ITPR1: variants seen among roughly 807,000 people sequenced by gnomAD.
ITPR1 encodes inositol 1,4,5-trisphosphate receptor type 1.
ITPR1 carries 96 observed loss-of-function variants against 318.4 expected under a neutral mutation model. That is an observed-to-expected ratio of 0.30 (90% CI 0.26 to 0.36). The LOEUF is 0.36. Among genes scored for constraint, ITPR1 ranks in the 10% least tolerant of loss-of-function variants. The probability of loss-of-function intolerance (pLI) is 1.00; values close to 1 mark genes in which losing one functional copy is unlikely to be tolerated. For synonymous variants in ITPR1, 1,312 were observed against 1,289.9 expected, an observed-to-expected ratio of 1.02 and a Z score of -0.37; for missense variants, 2,440 against 3,460.2, an observed-to-expected ratio of 0.71 and a Z score of 7.40.
chr3:4,712,730 G>T (rs183447756), intron 39 of ITPR1, among the ~76,000 whole-genome samples: 16 of 152,316 alleles, frequency 1.1e-4, no homozygotes, highest in Admixed American at 6.5e-4. Flanking sequence ...ATAAATGTCT[G>T]CAGGAATGTT....
chr3:4,709,705 A>T (rs192692689), intron 37 of ITPR1, among the ~76,000 whole-genome samples: 1 of 152,276 alleles, frequency 6.6e-6, no homozygotes, highest in East Asian at 1.9e-4. Flanking sequence ...TGTGTTTTGC[A>T]TTTGAAGACC....
At chr3:4,671,478 A>G (rs3792490) in intron 20 of ITPR1, 106,499 of 152,150 alleles carry the variant, frequency 0.7, 37,707 homozygotes, top group African/African-American at 0.75. Context: ...CCAACACCAT[A>G]GGATTTATTC....
chr3:4,578,019 G>C (rs1339683699), intron 4 of ITPR1, among the ~76,000 whole-genome samples: 1 of 152,238 alleles, frequency 6.6e-6, no homozygotes, highest in Non-Finnish European at 1.5e-5. Context: ...CCAGCAACCA[G>C]TGCCAGTGAA....
intron 4 of ITPR1, among the ~76,000 whole-genome samples, chr3:4,539,007 C>T (rs1050831938): frequency 5.9e-5 from 9 of 152,178 alleles, no homozygotes; most frequent in African/African-American, 1.9e-4. Flanking sequence ...AACACATGCA[C>T]ATCCTGCACA....
At chr3:4,594,114 G>T (rs913244518) in intron 4 of ITPR1, among the ~76,000 whole-genome samples, 1 of 152,118 alleles carries the variant, frequency 6.6e-6, no homozygotes, top group African/African-American at 2.4e-5. Context: ...CATTGGCTTG[G>T]GGAGATACAA....
At chr3:4,714,004 T>A (rs1222262925) in intron 39 of ITPR1, among the ~76,000 whole-genome samples, 3 of 152,202 alleles carry the variant, frequency 2.0e-5, no homozygotes, top group Non-Finnish European at 4.4e-5. Context: ...ACTTAGCCAT[T>A]CCTATTAATT....
chr3:4,680,497 G>C, intron 24 of ITPR1, 56 bp from the exon 25 acceptor site: 5 of 1,550,558 alleles, frequency 3.2e-6, no homozygotes, highest in South Asian at 1.1e-5. Flanking sequence ...GCTTGGCAGA[G>C]TCAAGATGGT....
At chr3:4,556,053 G>A (rs1042473621) in intron 4 of ITPR1, among the ~76,000 whole-genome samples, 13 of 152,184 alleles carry the variant, frequency 8.5e-5, no homozygotes, top group African/African-American at 3.1e-4. Context: ...TATTAACTAT[G>A]TGATGGGTAG....
In ITPR1 at chr3:4,710,542, C is replaced by A; in HGVS notation, c.4991+69C>A. On this transcript the variant is annotated intron_variant, in intron 38 of 61. Transcript: ENST00000649015. This position sits in a 1 kb window ranked among gnomAD's most constrained non-coding sequence, Gnocchi z 4.2. ...GATGACCTCACAAAGCTTTTGTTCC[C>A]GAAGAAGGAGACGTTGTCCTGTTTT... The A allele has an allele frequency of 6.9e-7, 1 of 1,457,480 alleles. No individual in the cohort carries two copies. The highest frequency in any genetic ancestry group is 9.3e-7 in the Non-Finnish European group (1 of 1,074,258). The allele number at this position is 1,457,480 out of a possible 1,614,324, so 90.3% of individuals were successfully genotyped here. A position where few individuals can be genotyped will look rare whatever the true frequency, so the allele number is the denominator to read the frequency against.
chr3:4,699,800 A>G lies in ITPR1; in HGVS notation c.4408-13A>G. 6.2e-7 allele frequency: 1 copy of G among 1,613,548 alleles called. No individual in the cohort carries two copies. Among genetic ancestry groups the G allele is most frequent in the Non-Finnish European group, 8.5e-7 (1 of 1,179,578 alleles). Reference sequence around the variant, plus strand: ...TTTTGGTGTAATGCTTAACATACCCACTTGTCTTCCAGGCCTGTAACAACA... The same window carrying G: ...TTTTGGTGTAATGCTTAACATACCCGCTTGTCTTCCAGGCCTGTAACAACA... On this transcript the variant is annotated splice_polypyrimidine_tract_variant and intron_variant, in intron 34 of 61. Transcript: ENST00000649015.
intron 52 of ITPR1, among the ~76,000 whole-genome samples, chr3:4,794,398 C>T (rs994318561): frequency 6.6e-6 from 1 of 152,216 alleles, no homozygotes; most frequent in African/African-American, 2.4e-5. Flanking sequence ...GAGATGGGAA[C>T]TCTGCTGCTG....
At chr3:4,636,726 G>A (rs192371185) in intron 5 of ITPR1, among the ~76,000 whole-genome samples, 10 of 152,364 alleles carry the variant, frequency 6.6e-5, no homozygotes, top group Admixed American at 4.6e-4. Flanking sequence ...ACCACTCCTG[G>A]CCAAGAGTAT....
intron 46 of ITPR1, among the ~76,000 whole-genome samples, chr3:4,771,720 T>C (rs2046200070): frequency 6.6e-6 from 1 of 152,024 alleles, no homozygotes; most frequent in African/African-American, 2.4e-5. Flanking sequence ...TTGGGGTGTA[T>C]AGTATATTTT....
intron 3 of ITPR1, among the ~76,000 whole-genome samples, chr3:4,519,138 G>A (rs114767777): frequency 2.0e-5 from 3 of 152,280 alleles, no homozygotes; most frequent in Non-Finnish European, 4.4e-5. Flanking sequence ...GCTAGTAGGT[G>A]GCAGAGTGCC....
chr3:4,639,375 A>T lies in ITPR1; in HGVS notation c.280-9A>T. 1 of 1,555,810 alleles carries T rather than the reference A, an allele frequency of 6.4e-7. No individual in the cohort carries two copies. On this transcript the variant is annotated splice_polypyrimidine_tract_variant and intron_variant, in intron 5 of 61. Transcript: ENST00000649015. Reference sequence around the variant, plus strand: ...CTCTTTGTGATCAATCTTTCTTCTCAATGCACAGCACGCTGCAGACTTGGA... The same window carrying T: ...CTCTTTGTGATCAATCTTTCTTCTCTATGCACAGCACGCTGCAGACTTGGA...
intron 60 of ITPR1, among the ~76,000 whole-genome samples, chr3:4,834,542 C>G (rs924578196): frequency 1.1e-4 from 16 of 152,172 alleles, no homozygotes; most frequent in African/African-American, 3.6e-4. Flanking sequence ...TCCCCTCGCC[C>G]TAGTGGGAGT....
chr3:4,678,733 G>T (rs564738237), intron 24 of ITPR1, among the ~76,000 whole-genome samples: 2 of 152,170 alleles, frequency 1.3e-5, no homozygotes, highest in African/African-American at 4.8e-5. Flanking sequence ...GAGCCTTTAA[G>T]GTGCATGGGC....
At position 4,665,138 on chromosome 3, in the gene ITPR1, A is replaced by T. The variant is rs1472622688; in HGVS notation, c.1555A>T (p.Ile519Phe). 6.2e-7 allele frequency: 1 copy of T among 1,613,858 alleles called. No individual in the cohort carries two copies. Among genetic ancestry groups the T allele is most frequent in the Non-Finnish European group, 8.5e-7 (1 of 1,179,868 alleles). Residue 519 changes from isoleucine to phenylalanine, a missense_variant and splice_region_variant, in exon 17 of 62, where the codon ATC (isoleucine) becomes TTC (phenylalanine). Around this residue, in one of 23 missense-constraint regions of ITPR1, gnomAD observed 478 missense variants for 696.3 expected, o/e 0.69. Transcript: ENST00000649015. ...TTTTGCTTTTCATTTTCACAAACAG[A>T]TCTTCAAGTTGTTACAAGCCCCATT... ...LMREQNILKQ[I>F]FKLLQAPFTD...
chr3:4,825,096 G>T (rs750822284), intron 60 of ITPR1, among the ~76,000 whole-genome samples: 6 of 152,202 alleles, frequency 3.9e-5, no homozygotes, highest in Admixed American at 6.5e-5. Context: ...AATTACACAT[G>T]AGAATGTCTG....
Sources: allele counts gnomAD v4.1 joint callset (sites outside exome capture counted in the v4.1 genomes callset), GRCh38; gene constraint gnomAD v4.1.1; regional missense constraint gnomAD v4.1.1; non-coding constraint Gnocchi (gnomAD v3.1); transcripts MANE v1.5; gene names NCBI Gene and HGNC (gene_info 2026-07-23, HGNC 2026-07-21).